Variants in AKR1C1 observed in about 807,000 individuals in gnomAD.
AKR1C1 encodes aldo-keto reductase family 1 member C1, also known as 20 alpha-hydroxysteroid dehydrogenase.
In AKR1C1, 32 loss-of-function variants were observed where a neutral mutation model predicts 40.6. The observed-to-expected ratio is 0.79, with a 90% CI of 0.60 to 1.06. AKR1C1 has a LOEUF of 1.06. AKR1C1 is among the 50% of genes least tolerant of loss of function. AKR1C1 has a pLI of 0.00. For missense variants in AKR1C1, 320 were observed against 363.5 expected, an observed-to-expected ratio of 0.88 and a Z score of 0.97; for synonymous variants, 105 against 134.2, an observed-to-expected ratio of 0.78 and a Z score of 1.50.
chr10:4,975,048 T>G (rs1315203193), intron 7 of AKR1C1, among the ~76,000 whole-genome samples: 1 of 152,094 alleles, frequency 6.6e-6, no homozygotes, highest in Non-Finnish European at 1.5e-5. Context: ...TTCCCACTTA[T>G]TAATAGCCTT....
chr10:4,965,070 C>A (rs1312780880), intron 1 of AKR1C1, among the ~76,000 whole-genome samples: 3 of 152,190 alleles, frequency 2.0e-5, no homozygotes, highest in East Asian at 1.9e-4. Flanking sequence ...CAGTCCCAGA[C>A]AAAATCTTAG....
At chr10:4,971,899 C>T (rs1356152720) in intron 5 of AKR1C1, among the ~76,000 whole-genome samples, 3 of 150,996 alleles carry the variant, frequency 2.0e-5, no homozygotes, top group Middle Eastern at 3.4e-3. Context: ...GATTTGATGC[C>T]CAAGGCTCAA....
chr10:4,968,326 C>A lies in AKR1C1; in HGVS notation c.387C>A (p.Ile129=), dbSNP rs1417774348. ...TACTTCAGCCAGGTGAGGAAGTGAT[C>A]CCAAAAGATGAAAATGGAAAAATAC... The part of the protein sequence containing the change: ...PVSVKPGEEV[I]PKDENGKILF... The change falls in exon 4 of 9, where the codon ATC becomes ATA. Residue 129 remains isoleucine, a synonymous_variant. Transcript: ENST00000380872. 6.4e-7 allele frequency: 1 copy of A among 1,560,360 alleles called. No homozygotes were observed. The highest frequency in any genetic ancestry group is 2.3e-5 in the East Asian group (1 of 44,400).
rs371351453 is a variant in AKR1C1 at position 4,981,847 on chromosome 10, G to T, written c.*4105G>T. The T allele has an allele frequency of 2.6e-5, 4 of 152,226 alleles. No individual in the cohort carries two copies. The highest frequency in any genetic ancestry group is 1.3e-4 in the Admixed American group (2 of 15,280). The allele number at this position is 152,226 out of a possible 1,614,324, so 9.4% of individuals were successfully genotyped here. A position where few individuals can be genotyped will look rare whatever the true frequency, so the allele number is the denominator to read the frequency against. ...GGGTGTCCAGCCTTGTGGGCAGACC[G>T]GGAGGGATGTGGCCTGAAAGCCATG... On this transcript the variant is annotated 3_prime_UTR_variant, in exon 9 of 9. Transcript: ENST00000380872.
chr10:4,973,712 A>G (rs879987016), intron 7 of AKR1C1, among the ~76,000 whole-genome samples: 1 of 152,208 alleles, frequency 6.6e-6, no homozygotes, highest in Non-Finnish European at 1.5e-5. Context: ...TGTGATTGTT[A>G]GAGGGCATGT....
At chr10:4,976,364 G>A (rs1351382640) in intron 8 of AKR1C1, among the ~76,000 whole-genome samples, 1 of 151,892 alleles carries the variant, frequency 6.6e-6, no homozygotes, top group African/African-American at 2.4e-5. Flanking sequence ...CAATCTTGTG[G>A]GCCAGGTTCC....
chr10:4,968,008 A>G (rs1453512186), intron 3 of AKR1C1: 1 of 279,740 alleles, frequency 3.6e-6, no homozygotes, highest in Non-Finnish European at 6.9e-6. Context: ...GAAGAGAGGT[A>G]TTGCCACAGA....
intron 1 of AKR1C1, among the ~76,000 whole-genome samples, chr10:4,964,925 T>G (rs1050975666): frequency 2.0e-5 from 3 of 152,254 alleles, no homozygotes; most frequent in African/African-American, 7.2e-5. Context: ...GGTGGATTTC[T>G]CACTATTTCC....
chr10:4,968,143 G>A (rs1374339796), intron 3 of AKR1C1, 166 bp from the exon 4 acceptor site: 1 of 1,110,914 alleles, frequency 9.0e-7, no homozygotes, highest in South Asian at 1.6e-5. Context: ...GTCACCTGAA[G>A]ACATTCCTTA....
At chr10:4,976,270 T>C (rs1230739327) in intron 8 of AKR1C1, among the ~76,000 whole-genome samples, 1 of 152,194 alleles carries the variant, frequency 6.6e-6, no homozygotes, top group African/African-American at 2.4e-5. Context: ...GCCCATGTGG[T>C]CGCATTAGAT....
intron 5 of AKR1C1, chr10:4,969,609 T>C: frequency 1.3e-6 from 2 of 1,576,320 alleles, no homozygotes; most frequent in Non-Finnish European, 1.7e-6. Flanking sequence ...TTGGCTGCTC[T>C]TCTTTGGAGT....
At position 4,966,956 on chromosome 10, in the gene AKR1C1, G is replaced by T. The variant is rs1389152247; in HGVS notation, c.282G>T (p.Leu94Phe). ...GGTGCAATTCCCATCGACCAGAGTTGGTCCGACCAGCCTTGGAAAGGTCAC... is the reference window on the plus strand; with the variant it reads ...GGTGCAATTCCCATCGACCAGAGTTTGTCCGACCAGCCTTGGAAAGGTCAC... The part of the protein sequence containing the change: ...KLWCNSHRPE[L>F]VRPALERSLK... Residue 94 changes from leucine (L) to phenylalanine (F), a missense_variant, in exon 3 of 9, where the codon TTG becomes TTT. Transcript: ENST00000380872. 1.9e-6 allele frequency: 3 copies of T among 1,613,666 alleles called. No homozygotes were observed. In the Admixed American group the frequency reaches 5.0e-5, roughly 27 times the overall value.
Position 4,978,235 on chromosome 10 carries a change from G to A in AKR1C1, c.*493G>A, listed in dbSNP as rs1396846260. 4 of 151,866 alleles carry A rather than the reference G, an allele frequency of 2.6e-5. No homozygotes were observed. The East Asian group carries it at 7.8e-4, about 30-fold the overall frequency. The allele number at this position is 151,866 out of a possible 1,614,324, so 9.4% of individuals were successfully genotyped here. On this transcript the variant is annotated 3_prime_UTR_variant, in exon 9 of 9. Transcript: ENST00000380872. ...AGCGATATTGACTAGCAATTCATGG[G>A]CTCCCTCCAGCAGTGCGAGGGTCAG...
In AKR1C1 at chr10:4,978,676, A is replaced by T. The variant is rs1410849457; in HGVS notation, c.*934A>T. The stretch of plus-strand genomic sequence containing the variant: ...CTTTTAAATATTTTATACATTAAAC[A>T]GGCATAGTTACAAATATAAAACAAA... On this transcript the variant is annotated 3_prime_UTR_variant, in exon 9 of 9. Coordinates refer to ENST00000380872, the MANE Select transcript of AKR1C1 (RefSeq NM_001353.6). 1 of 152,190 alleles carries T rather than the reference A, an allele frequency of 6.6e-6. No individual in the cohort carries two copies. Among genetic ancestry groups the T allele is most frequent in the Non-Finnish European group, 1.5e-5 (1 of 68,026 alleles). The allele number at this position is 152,190 out of a possible 1,614,324, so 9.4% of individuals were successfully genotyped here.
At chr10:4,974,412 T>A (rs1449656108) in intron 7 of AKR1C1, among the ~76,000 whole-genome samples, 3 of 152,042 alleles carry the variant, frequency 2.0e-5, no homozygotes, top group African/African-American at 7.2e-5. Flanking sequence ...GGTTATGTTT[T>A]CACAAACAAA....
Position 4,972,460 on chromosome 10 carries a change from T to C in AKR1C1, c.681-124T>C. 2.8e-6 allele frequency: 4 copies of C among 1,444,554 alleles called. No homozygotes were observed. The South Asian group carries it at 5.3e-5, about 19-fold the overall frequency. The allele number at this position is 1,444,554 out of a possible 1,614,324, so 89.5% of individuals were successfully genotyped here. On this transcript the variant is annotated intron_variant, in intron 6 of 8. Coordinates refer to ENST00000380872, the MANE Select transcript of AKR1C1 (RefSeq NM_001353.6). ...ACGAGATCCCAGGTGATGTTGAGGCTGCTGTTCGGGGGCCTCGCTTGAGAA... is the reference window on the plus strand; with the variant it reads ...ACGAGATCCCAGGTGATGTTGAGGCCGCTGTTCGGGGGCCTCGCTTGAGAA...
chr10:4,976,816 A>G (rs1554770502), intron 8 of AKR1C1, among the ~76,000 whole-genome samples: 1 of 152,246 alleles, frequency 6.6e-6, no homozygotes, highest in East Asian at 1.9e-4. Context: ...ATGGTACATC[A>G]TAAGTACCCA....
In AKR1C1 at chr10:4,968,907, A is replaced by G. The variant is rs1391123155; in HGVS notation, c.533A>G (p.Asn178Ser). ...CGCAGGCAGCTGGAGATGATCCTCA[A>G]CAAGCCAGGGCTCAAGTACAAGCCT... The part of the protein sequence containing the change: ...FNRRQLEMIL[N>S]KPGLKYKPVC... The change falls in exon 5 of 9, where the codon AAC becomes AGC. Residue 178 changes from asparagine (N) to serine (S), a missense_variant. Asn to Ser is a conservative substitution (Grantham distance 46). This residue lies in a region of AKR1C1 where 214 missense variants were observed against 214.8 expected (regional missense o/e 1.00). Transcript: ENST00000380872. 6.2e-7 allele frequency: 1 copy of G among 1,614,170 alleles called. No homozygotes were observed. Among genetic ancestry groups the G allele is most frequent in the Non-Finnish European group, 8.5e-7 (1 of 1,180,024 alleles).
intron 8 of AKR1C1, 138 bp from the exon 9 acceptor site, chr10:4,977,558 CAAAG>C (rs2131650062): frequency 1.2e-6 from 1 of 867,798 alleles, no homozygotes; most frequent in South Asian, 1.9e-5. Flanking sequence ...ATTCATTAAA[CAAAG>C]AAACACAGAT....
Sources: gnomAD v4.1 joint callset for allele counts (sites outside exome capture counted in the v4.1 genomes callset) on GRCh38, gnomAD v4.1.1 for gene constraint, gnomAD v4.1.1 regional missense constraint, MANE v1.5 for transcripts, NCBI Gene and HGNC (gene_info 2026-07-23, HGNC 2026-07-21) for gene names.